SMOC1: variants seen among roughly 807,000 people sequenced by gnomAD.
The protein encoded by SMOC1 is SPARC related modular calcium binding 1, also known as SPARC-related modular calcium-binding protein 1.
SMOC1 carries 22 observed loss-of-function variants against 56.3 expected under a neutral mutation model. That is an observed-to-expected ratio of 0.39 (90% confidence interval 0.28 to 0.56). SMOC1 has a LOEUF of 0.56. Among genes scored for constraint, SMOC1 ranks in the 20% least tolerant of loss-of-function variants. The pLI is 0.61. For missense variants in SMOC1, 509 were observed against 565.4 expected, an observed-to-expected ratio of 0.90 and a Z score of 1.01; for synonymous variants, 193 against 215.0, an observed-to-expected ratio of 0.90 and a Z score of 0.89.
chr14:70,008,876 C>A (rs1885236646), intron 7 of SMOC1, among the ~76,000 whole-genome samples: 1 of 152,176 alleles, frequency 6.6e-6, no homozygotes, highest in Non-Finnish European at 1.5e-5. Flanking sequence ...TTGAAAAATT[C>A]TTGCATAATC....
intron 1 of SMOC1, among the ~76,000 whole-genome samples, chr14:69,938,575 A>G (rs1882413987): frequency 6.6e-6 from 1 of 151,692 alleles, no homozygotes; most frequent in South Asian, 2.1e-4. Flanking sequence ...ACCCCTTAAG[A>G]TGTTGTTGGG....
chr14:69,947,025 C>T (rs897759240), intron 1 of SMOC1, among the ~76,000 whole-genome samples: 2 of 152,180 alleles, frequency 1.3e-5, no homozygotes, highest in African/African-American at 4.8e-5. Flanking sequence ...GCTTCCTGTA[C>T]AGCCTACAGA....
chr14:70,008,068 T>C (rs1885206426), intron 7 of SMOC1, among the ~76,000 whole-genome samples: 1 of 152,068 alleles, frequency 6.6e-6, no homozygotes. Flanking sequence ...TTTTAAAAAA[T>C]TCTTTTGCTA....
intron 1 of SMOC1, among the ~76,000 whole-genome samples, chr14:69,909,960 C>G (rs1435627619): frequency 3.9e-5 from 6 of 152,166 alleles, no homozygotes; most frequent in Non-Finnish European, 8.8e-5. Context: ...TTTCTTTGCT[C>G]ACATGTCATT....
intron 7 of SMOC1, among the ~76,000 whole-genome samples, chr14:70,004,248 C>A (rs1200212272): frequency 6.6e-6 from 1 of 152,158 alleles, no homozygotes; most frequent in Non-Finnish European, 1.5e-5. Flanking sequence ...GTAAGATTAG[C>A]CTTTTTTCTT....
chr14:69,976,340 C>T (rs1883952217), intron 4 of SMOC1, among the ~76,000 whole-genome samples: 1 of 152,154 alleles, frequency 6.6e-6, no homozygotes, highest in African/African-American at 2.4e-5. Flanking sequence ...GACTGATCAA[C>T]AGCAATGTCT....
In SMOC1 at chr14:69,950,151, C is replaced by T. The variant is rs185955141; in HGVS notation, c.100-1987C>T. Among the ~76,000 whole-genome samples, 7 of 152,248 alleles carry T rather than the reference C, an allele frequency of 4.6e-5. No individual in the cohort carries two copies. The East Asian group carries it at 7.7e-4, about 17-fold the overall frequency. On this transcript the variant is annotated intron_variant, in intron 1 of 11. Transcript: ENST00000361956. ...GAGCCCAAGGTGTCTGAAGAGAAAG[C>T]GCAATTTCACTGTCCATTTGGACAA...
intron 1 of SMOC1, among the ~76,000 whole-genome samples, chr14:69,916,870 G>C (rs1884699541): frequency 1.3e-5 from 2 of 152,122 alleles, no homozygotes; most frequent in South Asian, 4.1e-4. Context: ...AGTTGGTTCT[G>C]TCCTCCTGCT....
At position 69,947,701 on chromosome 14, in the gene SMOC1, G is replaced by A. The variant is rs182735866; in HGVS notation, c.100-4437G>A. Among the ~76,000 whole-genome samples the A allele has an allele frequency of 3.1e-4, 47 of 151,912 alleles. 1 individual carries two copies. The highest frequency in any genetic ancestry group is 9.4e-4 in the African/African-American group (39 of 41,386). On this transcript the variant is annotated intron_variant, in intron 1 of 11. Coordinates refer to ENST00000361956, the MANE Select transcript of SMOC1 (RefSeq NM_001034852.3). ...ACTTTATAACTGGGCTGTTGCATACGGTAGCCTCTAGCCACATGTGGTCGT... is the reference window on the plus strand; with the variant it reads ...ACTTTATAACTGGGCTGTTGCATACAGTAGCCTCTAGCCACATGTGGTCGT...
intron 1 of SMOC1, among the ~76,000 whole-genome samples, chr14:69,943,916 G>A (rs939379195): frequency 6.6e-6 from 1 of 152,196 alleles, no homozygotes; most frequent in African/African-American, 2.4e-5. Flanking sequence ...GTGGCATCTG[G>A]GGCATAGTGT....
chr14:69,917,554 TAGTA>T (rs1000624750), intron 1 of SMOC1, among the ~76,000 whole-genome samples: 2 of 152,230 alleles, frequency 1.3e-5, no homozygotes, highest in African/African-American at 4.8e-5. Flanking sequence ...GAAGCTTTGT[TAGTA>T]AGTGTTGTGT....
chr14:69,953,493 G>T lies in SMOC1; in HGVS notation c.339G>T (p.Val113=). ...LEQAKKPQEA[V]FVPECGEDGS... The stretch of plus-strand genomic sequence containing the variant: ...AAGCCAAGAAGCCTCAGGAAGCTGT[G>T]TTTGTCCCAGAGTGTGGCGAGGATG... The change falls in exon 3 of 12, where the codon GTG becomes GTT. Residue 113 remains valine (V), a synonymous_variant. Coordinates refer to ENST00000361956, the MANE Select transcript of SMOC1 (RefSeq NM_001034852.3). 1 of 1,614,254 alleles carries T rather than the reference G, an allele frequency of 6.2e-7. No individual in the cohort carries two copies.
At chr14:69,881,870 C>T in intron 1 of SMOC1, among the ~76,000 whole-genome samples, 1 of 152,126 alleles carries the variant, frequency 6.6e-6, no homozygotes, top group East Asian at 1.9e-4. Context: ...TTTTAAAAGC[C>T]ATTTTACAGA....
chr14:69,930,113 A>T (rs768465217), intron 1 of SMOC1, among the ~76,000 whole-genome samples: 2 of 137,116 alleles, frequency 1.5e-5, no homozygotes, highest in Non-Finnish European at 3.0e-5. Context: ...CTTCTGGATC[A>T]TTCCTGATTC....
At chr14:69,915,547 G>C (rs1884664658) in intron 1 of SMOC1, among the ~76,000 whole-genome samples, 1 of 152,058 alleles carries the variant, frequency 6.6e-6, no homozygotes, top group South Asian at 2.1e-4. Context: ...TTTCTCTGCT[G>C]TCCTTGGCAG....
chr14:69,946,038 A>G (rs1351176061), intron 1 of SMOC1, among the ~76,000 whole-genome samples: 2 of 152,248 alleles, frequency 1.3e-5, no homozygotes, highest in Non-Finnish European at 2.9e-5. Context: ...CTCCTCCCAG[A>G]TGGAACCTTA....
intron 1 of SMOC1, among the ~76,000 whole-genome samples, chr14:69,945,137 A>T (rs1428972727): frequency 6.6e-6 from 1 of 152,240 alleles, no homozygotes; most frequent in Non-Finnish European, 1.5e-5. Flanking sequence ...TTCCTCAAAC[A>T]TATACTGAAC....
chr14:69,983,235 A>C (rs1452510670), intron 5 of SMOC1, among the ~76,000 whole-genome samples: 1 of 152,202 alleles, frequency 6.6e-6, no homozygotes, highest in Admixed American at 6.5e-5. Context: ...AGATTTAGGG[A>C]TCTGGAAAAA....
rs78661201 is a variant in SMOC1, at chr14:69,913,102, G to A, written c.99+33325G>A. On this transcript the variant is annotated intron_variant, in intron 1 of 11. Coordinates refer to ENST00000361956, the MANE Select transcript of SMOC1 (RefSeq NM_001034852.3). Reference sequence around the variant, plus strand: ...GAAAAAACCCAGATTATAGCTTAAGGCCAGTGAGTGTGGGGGCAAACAGCT... The same window carrying A: ...GAAAAAACCCAGATTATAGCTTAAGACCAGTGAGTGTGGGGGCAAACAGCT... Among the ~76,000 whole-genome samples the A allele has an allele frequency of 6.4e-3, 969 of 152,286 alleles. 5 individuals are homozygous for A. Among genetic ancestry groups the A allele is most frequent in the African/African-American group, 0.02 (811 of 41,550 alleles).
Sources: allele counts gnomAD v4.1 joint callset (sites outside exome capture counted in the v4.1 genomes callset), GRCh38; gene constraint gnomAD v4.1.1; transcripts MANE v1.5; gene names NCBI Gene and HGNC (gene_info 2026-07-23, HGNC 2026-07-21).